MED12L: variants seen among roughly 807,000 people sequenced by gnomAD.
The protein encoded by MED12L is mediator of RNA polymerase II transcription subunit 12-like protein.
MED12L carries 60 observed loss-of-function variants against 281.3 expected under a neutral mutation model. The observed-to-expected ratio is 0.21, with a 90% CI of 0.17 to 0.26. MED12L has a LOEUF of 0.26. Ranked by LOEUF, MED12L falls within the 10% of genes least tolerant of loss-of-function variation. The probability of loss-of-function intolerance (pLI) is 1.00; values close to 1 mark genes in which losing one functional copy is unlikely to be tolerated. For synonymous variants in MED12L, 974 were observed against 987.2 expected, an observed-to-expected ratio of 0.99 and a Z score of 0.25; for missense variants, 2,146 against 2,680.9, an observed-to-expected ratio of 0.80 and a Z score of 4.41.
intron 27 of MED12L, among the ~76,000 whole-genome samples, chr3:151,375,811 T>C (rs1289121529): frequency 6.6e-6 from 1 of 152,122 alleles, no homozygotes; most frequent in Non-Finnish European, 1.5e-5. Context: ...CATTAAAAAA[T>C]GTTTTTAAGC....
Position 151,101,652 on chromosome 3 carries a change from G to C in MED12L, c.99+14627G>C, listed in dbSNP as rs532677076. On this transcript the variant is annotated intron_variant, in intron 2 of 44. Transcript: ENST00000687756. ...GCTGGAAGGGAGGAGGAGGGGGGCA[G>C]TTTTTCTGCAGATCAGGCCTGGTGG... Among the ~76,000 whole-genome samples, 3 of 148,200 alleles carry C rather than the reference G, an allele frequency of 2.0e-5. No individual in the cohort carries two copies. The South Asian group carries it at 6.7e-4, about 33-fold the overall frequency.
At chr3:151,399,128 T>G (rs1449253519) in intron 39 of MED12L, among the ~76,000 whole-genome samples, 1 of 152,220 alleles carries the variant, frequency 6.6e-6, no homozygotes, top group African/African-American at 2.4e-5. Context: ...ACTATCTTTC[T>G]GTGCCTCAGA....
intron 5 of MED12L, among the ~76,000 whole-genome samples, chr3:151,155,056 A>G (rs2148930990): frequency 6.6e-6 from 1 of 152,370 alleles, no homozygotes; most frequent in South Asian, 2.1e-4. Context: ...GTTCTGTTAA[A>G]TAATTTTAAG....
intron 16 of MED12L, among the ~76,000 whole-genome samples, chr3:151,299,403 C>CTTTTCTTTTCTTTTCTTT (rs1559999744): frequency 5.2e-4 from 4 of 7,694 alleles, no homozygotes; most frequent in African/African-American, 1.4e-3. Flanking sequence ...TTCTTTTCCC[C>CTTTTCTTTTCTTTTCTTT]TCCCCTCCCC....
At chr3:151,141,499 T>A (rs959343717) in intron 5 of MED12L, among the ~76,000 whole-genome samples, 1 of 152,188 alleles carries the variant, frequency 6.6e-6, no homozygotes, top group Admixed American at 6.5e-5. Flanking sequence ...CATCTTTTTG[T>A]GGTTACAAGA....
chr3:151,141,178 G>GTTTGTTTGTTTGTTT (rs1553808456), intron 5 of MED12L, among the ~76,000 whole-genome samples: 1 of 102,190 alleles, frequency 9.8e-6, no homozygotes, highest in African/African-American at 4.3e-5. Flanking sequence ...TTTTTTTTTT[G>GTTTGTTTGTTTGTTT]TTTTTTTTGT....
intron 5 of MED12L, among the ~76,000 whole-genome samples, chr3:151,148,169 G>A (rs1717987632): frequency 2.0e-5 from 3 of 152,274 alleles, no homozygotes; most frequent in Admixed American, 6.5e-5. Flanking sequence ...TTGGAGAAAT[G>A]TCTGTTCAGA....
chr3:151,314,267 A>C (rs937961463), intron 16 of MED12L, among the ~76,000 whole-genome samples: 1 of 152,242 alleles, frequency 6.6e-6, no homozygotes, highest in African/African-American at 2.4e-5. Flanking sequence ...ATGAAACAAA[A>C]TATGTTAATT....
At chr3:151,248,295 A>T (rs1192263811) in intron 16 of MED12L, among the ~76,000 whole-genome samples, 1 of 152,056 alleles carries the variant, frequency 6.6e-6, no homozygotes, top group Non-Finnish European at 1.5e-5. Flanking sequence ...ATAAATTGTG[A>T]CTCACCATTA....
chr3:151,321,039 T>A (rs1748939536), intron 16 of MED12L, among the ~76,000 whole-genome samples: 1 of 152,184 alleles, frequency 6.6e-6, no homozygotes, highest in Non-Finnish European at 1.5e-5. Context: ...AGGAGCACTT[T>A]GTCTTTTGTC....
intron 39 of MED12L, among the ~76,000 whole-genome samples, chr3:151,396,363 T>TA (rs1157880652): frequency 6.6e-6 from 1 of 152,210 alleles, no homozygotes; most frequent in Non-Finnish European, 1.5e-5. Context: ...CGTGGTGGCT[T>TA]ACGCCTCTAA....
At chr3:151,280,095 G>A (rs536964895) in intron 16 of MED12L, among the ~76,000 whole-genome samples, 1 of 152,334 alleles carries the variant, frequency 6.6e-6, no homozygotes, top group South Asian at 2.1e-4. Context: ...CTTAATGCCA[G>A]GAGTTGCAAA....
At position 151,170,553 on chromosome 3, in the gene MED12L, C is replaced by T. The variant is rs555535566; in HGVS notation, c.1494+4571C>T. Among the ~76,000 whole-genome samples the T allele has an allele frequency of 1.6e-3, 246 of 152,262 alleles. 1 individual carries two copies. Among genetic ancestry groups the T allele is most frequent in the Non-Finnish European group, 2.7e-3 (184 of 68,022 alleles). On this transcript the variant is annotated intron_variant, in intron 11 of 44. Coordinates refer to ENST00000687756, the MANE Select transcript of MED12L (RefSeq NM_001393769.1). ...CCTCCCAAAGTGCTAGAATTACAGG[C>T]GTGAGCCACTGCACCTGGCCTGGAA...
intron 16 of MED12L, among the ~76,000 whole-genome samples, chr3:151,226,999 A>G (rs1730631714): frequency 6.6e-6 from 1 of 152,204 alleles, no homozygotes; most frequent in South Asian, 2.1e-4. Context: ...TGGCACAAGG[A>G]GAGCTCTGCT....
Position 151,086,992 on chromosome 3 carries a change from C to G in MED12L, c.66C>G (p.Pro22=). ...RPLKRPRLGP[P]DVYPQDPKQK... is the part of the protein sequence containing the mutation. ...TGAAGCGCCCCCGGCTCGGGCCGCC[C>G]GACGTCTACCCACAGGACCCCAAGC... Residue 22 remains proline, a synonymous_variant, in exon 2 of 45, where the codon CCC becomes CCG. Coordinates refer to ENST00000687756, the MANE Select transcript of MED12L (RefSeq NM_001393769.1). 1 of 1,610,368 alleles carries G rather than the reference C, an allele frequency of 6.2e-7. No individual in the cohort carries two copies. Among genetic ancestry groups the G allele is most frequent in the Non-Finnish European group, 8.5e-7 (1 of 1,178,998 alleles).
rs200041934 is a variant in MED12L at position 151,293,677 on chromosome 3, A to ACAC, written c.2251-56381_2251-56380insACC. Among the ~76,000 whole-genome samples the ACAC allele has an allele frequency of 9.1e-4, 111 of 121,350 alleles. 3 individuals carry two copies. The highest frequency in any genetic ancestry group is 3.8e-3 in the African/African-American group (99 of 26,320). The allele number at this position is 121,350 out of a possible 152,430, so 79.6% of individuals were successfully genotyped here. ...CACACACACACACACACACACACAC[A>ACAC]CCCTCTACCTTCATTTCTATAGTGT... On this transcript the variant is annotated intron_variant, in intron 16 of 44. Coordinates refer to ENST00000687756, the MANE Select transcript of MED12L (RefSeq NM_001393769.1).
chr3:151,341,395 A>G (rs1407182048), intron 16 of MED12L, among the ~76,000 whole-genome samples: 3 of 152,062 alleles, frequency 2.0e-5, no homozygotes, highest in Non-Finnish European at 4.4e-5. Context: ...GAATTTAAAT[A>G]TAAACAATTT....
intron 16 of MED12L, among the ~76,000 whole-genome samples, chr3:151,297,226 A>T (rs549927812): frequency 4.9e-4 from 75 of 152,354 alleles, no homozygotes; most frequent in African/African-American, 1.8e-3. Context: ...GTACAGTATC[A>T]TTCAAGCCTA....
In MED12L at chr3:151,434,202, T is replaced by C. The variant is rs1341758646; in HGVS notation, c.*1398T>C. 1.3e-5 allele frequency: 2 copies of C among 152,242 alleles called. No homozygotes were observed. Among genetic ancestry groups the C allele is most frequent in the African/African-American group, 2.4e-5 (1 of 41,464 alleles). The allele number at this position is 152,242 out of a possible 1,614,324, so 9.4% of individuals were successfully genotyped here. A position where few individuals can be genotyped will look rare whatever the true frequency, so the allele number is the denominator to read the frequency against. On this transcript the variant is annotated 3_prime_UTR_variant, in exon 45 of 45. Coordinates refer to ENST00000687756, the MANE Select transcript of MED12L (RefSeq NM_001393769.1). Reference sequence around the variant, plus strand: ...ATACTGTGAATAGACTTGTCTATAATGAGCAGACCATGTAAATCTACTTTT... The same window carrying C: ...ATACTGTGAATAGACTTGTCTATAACGAGCAGACCATGTAAATCTACTTTT...
Sources: allele counts gnomAD v4.1 joint callset (sites outside exome capture counted in the v4.1 genomes callset), GRCh38; gene constraint gnomAD v4.1.1; transcripts MANE v1.5; gene names NCBI Gene and HGNC (gene_info 2026-07-23, HGNC 2026-07-21).